Variants in ACO2 observed in about 807,000 individuals in gnomAD.
ACO2 encodes the protein aconitase 2, also known as aconitate hydratase, mitochondrial.
A neutral mutation model predicts 84.5 loss-of-function variants in ACO2; 31 were observed. The observed-to-expected ratio is 0.37, with a 90% CI of 0.28 to 0.50. The LOEUF (loss-of-function observed/expected upper bound fraction) is 0.50, where lower values mean the gene tolerates loss of function less well. ACO2 is among the 20% of genes least tolerant of loss of function. The pLI, the probability that ACO2 is intolerant of heterozygous loss-of-function variation, is 0.97. For missense variants in ACO2, 685 were observed against 1,029.3 expected, an observed-to-expected ratio of 0.67 and a Z score of 4.58; for synonymous variants, 414 against 412.7, an observed-to-expected ratio of 1.00 and a Z score of -0.04.
At chr22:41,496,117 G>T (rs970323525) in intron 1 of ACO2, among the ~76,000 whole-genome samples, 3 of 151,680 alleles carry the variant, frequency 2.0e-5, no homozygotes, top group Admixed American at 6.6e-5. Flanking sequence ...TTTGAGACCA[G>T]CCTGGGCAAC....
chr22:41,494,487 C>G (rs2066297287), intron 1 of ACO2, among the ~76,000 whole-genome samples: 1 of 150,788 alleles, frequency 6.6e-6, no homozygotes, highest in Non-Finnish European at 1.5e-5. Context: ...TGTCGGCTCA[C>G]TGCAACCTCC....
At chr22:41,525,761 T>C in intron 14 of ACO2, 2 of 223,332 alleles carry the variant, frequency 9.0e-6, no homozygotes, top group South Asian at 8.5e-5. Context: ...CCCGTGGATA[T>C]GGGATGGCTT....
At chr22:41,521,179 C>T (rs2066523716) in intron 9 of ACO2, 1 of 152,162 alleles carries the variant, frequency 6.6e-6, no homozygotes, top group South Asian at 2.1e-4. Context: ...CAGGAGCAAG[C>T]TCTTAGAGCT....
At chr22:41,520,508 C>G (rs1402781344) in intron 9 of ACO2, among the ~76,000 whole-genome samples, 1 of 152,034 alleles carries the variant, frequency 6.6e-6, no homozygotes, top group East Asian at 1.9e-4. Flanking sequence ...GGGTTCAAGA[C>G]CAGCCTGGGC....
chr22:41,521,756 G>A (rs911323188), intron 9 of ACO2, among the ~76,000 whole-genome samples: 1 of 151,500 alleles, frequency 6.6e-6, no homozygotes, highest in Non-Finnish European at 1.5e-5. Context: ...GGTTATATGG[G>A]CTTTTGCCAG....
intron 1 of ACO2, among the ~76,000 whole-genome samples, chr22:41,490,302 G>A (rs1251908463): frequency 6.6e-6 from 1 of 152,140 alleles, no homozygotes; most frequent in Non-Finnish European, 1.5e-5. Context: ...CTCCAGCCTG[G>A]GCGACAGAGC....
chr22:41,526,033 G>C (rs2066587330), intron 14 of ACO2: 1 of 491,016 alleles, frequency 2.0e-6, no homozygotes, highest in African/African-American at 1.9e-5. Flanking sequence ...CCCCATAAGG[G>C]AGACTGAGCA....
At chr22:41,521,809 CTG>C (rs1043330111) in intron 9 of ACO2, among the ~76,000 whole-genome samples, 3 of 149,170 alleles carry the variant, frequency 2.0e-5, no homozygotes, top group African/African-American at 4.9e-5. Flanking sequence ...GAGTCTTGCT[CTG>C]TCACCCAGGC....
chr22:41,515,608 G>GGAC lies in ACO2; in HGVS notation c.684+74_684+76dup. 1 of 1,573,160 alleles carries GGAC rather than the reference G, an allele frequency of 6.4e-7. No individual in the cohort carries two copies. The highest frequency in any genetic ancestry group is 2.3e-5 in the East Asian group (1 of 44,418). ...TGGTGGGGATGAACGGGAGACGGTG[G>GGAC]GACCCAGGAGGGAAAAGGGAACAAG... On this transcript the variant is annotated intron_variant, in intron 5 of 17. Transcript: ENST00000216254. The surrounding 1 kb of genome is among the most constrained non-coding windows in gnomAD (Gnocchi z 5.8).
At chr22:41,493,102 TA>T (rs2066285073) in intron 1 of ACO2, among the ~76,000 whole-genome samples, 1 of 152,166 alleles carries the variant, frequency 6.6e-6, no homozygotes, top group Non-Finnish European at 1.5e-5. Flanking sequence ...GGGCCGGATT[TA>T]TCCCTTTATC....
In ACO2 at chr22:41,526,404, C is replaced by T; in HGVS notation, c.1904C>T (p.Ala635Val). 4 of 1,613,878 alleles carry T rather than the reference C, an allele frequency of 2.5e-6. No homozygotes were observed. Among genetic ancestry groups the T allele is most frequent in the Non-Finnish European group, 1.7e-6 (2 of 1,179,986 alleles). ...GGCAAGGCCAACTCCGTGCGCAATG[C>T]CGTCACTCAGGAGTTTGGCCCCGTC... is the stretch of plus-strand genomic sequence containing the variant. ...ENGKANSVRN[A>V]VTQEFGPVPD... Residue 635 changes from alanine to valine, a missense_variant, in exon 15 of 18, where the codon GCC (alanine) becomes GTC (valine). Ala to Val is a moderately conservative substitution (Grantham distance 64). Around this residue, in one of 5 missense-constraint regions of ACO2, gnomAD observed 174 missense variants for 236.6 expected, o/e 0.74. Coordinates refer to ENST00000216254, the MANE Select transcript of ACO2 (RefSeq NM_001098.3).
At chr22:41,500,710 T>C (rs1173273335) in intron 2 of ACO2, among the ~76,000 whole-genome samples, 1 of 151,796 alleles carries the variant, frequency 6.6e-6, no homozygotes, top group African/African-American at 2.4e-5. Flanking sequence ...TTTTATGTTA[T>C]GTTATTTTAT....
In ACO2 at chr22:41,523,763, T is replaced by C. The variant is rs1009913535; in HGVS notation, c.1371-67T>C. 4.3e-6 allele frequency: 6 copies of C among 1,402,760 alleles called. No homozygotes were observed. The South Asian group carries it at 4.6e-5, about 11-fold the overall frequency. The allele number at this position is 1,402,760 out of a possible 1,614,324, so 86.9% of individuals were successfully genotyped here. On this transcript the variant is annotated intron_variant, in intron 11 of 17. Transcript: ENST00000216254. Reference sequence around the variant, plus strand: ...GGCTGCGCCACAGGAACCCAGCTTATCTGTCCTCGGGACAGGCCAGGTGAC... The same window carrying C: ...GGCTGCGCCACAGGAACCCAGCTTACCTGTCCTCGGGACAGGCCAGGTGAC...
intron 4 of ACO2, among the ~76,000 whole-genome samples, chr22:41,512,548 G>A (rs995341901): frequency 1.3e-5 from 2 of 152,108 alleles, no homozygotes; most frequent in East Asian, 1.9e-4. Context: ...GGTCTGGAGC[G>A]AGTGCCCCAT....
chr22:41,527,150 G>C (rs1412735469), intron 15 of ACO2, 138 bp from the exon 16 acceptor site: 2 of 1,315,156 alleles, frequency 1.5e-6, no homozygotes, highest in Admixed American at 2.1e-5. Flanking sequence ...CAGCAGGCGA[G>C]GAAGGGCCCC....
chr22:41,492,389 C>T (rs1015364447), intron 1 of ACO2, among the ~76,000 whole-genome samples: 4 of 152,140 alleles, frequency 2.6e-5, no homozygotes, highest in African/African-American at 9.7e-5. Context: ...GTAATCCCTG[C>T]ACTTTGGGAG....
At chr22:41,477,448 C>T (rs1258008422) in intron 1 of ACO2, among the ~76,000 whole-genome samples, 22 of 151,758 alleles carry the variant, frequency 1.4e-4, no homozygotes, top group Admixed American at 3.9e-4. Flanking sequence ...CGTGAGCCAC[C>T]GCACCCGACC....
chr22:41,475,502 C>T (rs897194069), intron 1 of ACO2, among the ~76,000 whole-genome samples: 3 of 152,056 alleles, frequency 2.0e-5, no homozygotes, highest in Non-Finnish European at 2.9e-5. Flanking sequence ...TGACTTGCCT[C>T]GTTTTCCCAG....
intron 6 of ACO2, among the ~76,000 whole-genome samples, chr22:41,516,700 A>G (rs1471721910): frequency 6.6e-6 from 1 of 152,144 alleles, no homozygotes; most frequent in Admixed American, 6.6e-5. Flanking sequence ...TGGTCCAGAC[A>G]GTGTGTATCA....
Sources: gnomAD v4.1 joint callset for allele counts (sites outside exome capture counted in the v4.1 genomes callset) on GRCh38, gnomAD v4.1.1 for gene constraint, gnomAD v4.1.1 regional missense constraint, Gnocchi (gnomAD v3.1) non-coding constraint, MANE v1.5 for transcripts, NCBI Gene and HGNC (gene_info 2026-07-23, HGNC 2026-07-21) for gene names.